Variants in CCDC30 observed in about 807,000 individuals in gnomAD.
The protein encoded by CCDC30 is coiled-coil domain containing 30, also known as coiled-coil domain-containing protein 30.
A neutral mutation model predicts 100.2 loss-of-function variants in CCDC30; 70 were observed. That is an observed-to-expected ratio of 0.70 (90% CI 0.58 to 0.85). CCDC30 has a LOEUF of 0.85. Ranked by LOEUF, CCDC30 falls within the 40% of genes least tolerant of loss-of-function variation. The pLI is 0.00. For synonymous variants in CCDC30, 233 were observed against 269.5 expected (o/e 0.86, Z 1.33); for missense variants, 652 against 771.2 (o/e 0.85, Z 1.83).
chr1:42,543,238 G>T (rs1354337963), intron 6 of CCDC30, among the ~76,000 whole-genome samples: 1 of 149,758 alleles, frequency 6.7e-6, no homozygotes, highest in Non-Finnish European at 1.5e-5. Flanking sequence ...CTCCCAAAGT[G>T]CTGGGATTAC....
intron 11 of CCDC30, 59 bp downstream of exon 15, chr1:42,611,149 A>T: frequency 2.0e-6 from 2 of 1,013,924 alleles, no homozygotes; most frequent in Non-Finnish European, 3.1e-6. Context: ...TTTCTTGCTG[A>T]GCAGGCTCTA....
At chr1:42,651,746 C>A (rs972465034) in intron 15 of CCDC30, among the ~76,000 whole-genome samples, 4 of 152,008 alleles carry the variant, frequency 2.6e-5, no homozygotes, top group African/African-American at 9.7e-5. Context: ...TGGTGGTGTG[C>A]ACCTGTGGTT....
At chr1:42,641,584 C>T (rs1647400739) in intron 12 of CCDC30, among the ~76,000 whole-genome samples, 1 of 151,306 alleles carries the variant, frequency 6.6e-6, no homozygotes, top group South Asian at 2.1e-4. Context: ...ACAAAAAAAA[C>T]AGCTGGACGC....
intron 6 of CCDC30, among the ~76,000 whole-genome samples, chr1:42,509,695 C>T (rs1480897611): frequency 6.6e-6 from 1 of 152,158 alleles, no homozygotes; most frequent in Non-Finnish European, 1.5e-5. Context: ...CTAAGGTACC[C>T]TTTCTTTTAA....
chr1:42,482,641 A>G, intron 2 of CCDC30, 22 bp from the exon 3 acceptor site: 4 of 1,222,628 alleles, frequency 3.3e-6, no homozygotes, highest in Middle Eastern at 4.2e-4. Flanking sequence ...TTGTTTTATT[A>G]CTAATAGAAG....
intron 9 of CCDC30, among the ~76,000 whole-genome samples, chr1:42,581,783 A>C (rs1406362130): frequency 2.6e-5 from 4 of 152,240 alleles, no homozygotes; most frequent in African/African-American, 9.6e-5. Context: ...TGGTAACAGT[A>C]AATATTCTTG....
intron 6 of CCDC30, chr1:42,556,255 G>A (rs766983139): frequency 1.2e-6 from 2 of 1,614,016 alleles, no homozygotes; most frequent in Non-Finnish European, 1.7e-6. Context: ...GCTCACAACA[G>A]AATCGAGATA....
At chr1:42,536,727 C>G in intron 6 of CCDC30, 126 bp downstream of exon 7, 1 of 670,898 alleles carries the variant, frequency 1.5e-6, no homozygotes, top group Non-Finnish European at 2.6e-6. Context: ...ACACCACAGA[C>G]TAGGTGGCTC....
At chr1:42,466,420 T>C (rs952101065) in intron 1 of CCDC30, among the ~76,000 whole-genome samples, 24 of 152,228 alleles carry the variant, frequency 1.6e-4, no homozygotes, top group Non-Finnish European at 3.2e-4. Flanking sequence ...ATTCTTTACA[T>C]CTAGAAGTTT....
chr1:42,606,035 G>T (rs1028891458), intron 10 of CCDC30, among the ~76,000 whole-genome samples: 1 of 152,108 alleles, frequency 6.6e-6, no homozygotes, highest in Admixed American at 6.6e-5. Flanking sequence ...TTGTGAAAGC[G>T]TATATGTAGA....
At chr1:42,631,330 A>G (rs1015169075) in intron 11 of CCDC30, among the ~76,000 whole-genome samples, 5 of 152,172 alleles carry the variant, frequency 3.3e-5, no homozygotes, top group Non-Finnish European at 7.4e-5. Flanking sequence ...TCCTAGACAA[A>G]TGGAGTCTCT....
chr1:42,638,914 AG>A (rs983270550), intron 12 of CCDC30, among the ~76,000 whole-genome samples: 16 of 152,072 alleles, frequency 1.1e-4, no homozygotes, highest in African/African-American at 3.6e-4. Flanking sequence ...AGAGAAAGAA[AG>A]GAAAAAAAAA....
chr1:42,598,899 A>G (rs1646346768), intron 10 of CCDC30, among the ~76,000 whole-genome samples: 1 of 152,172 alleles, frequency 6.6e-6, no homozygotes, highest in Admixed American at 6.5e-5. Flanking sequence ...TGTCTCAACA[A>G]CAACAACAAA....
At chr1:42,585,874 C>T (rs1301681855) in intron 9 of CCDC30, among the ~76,000 whole-genome samples, 1 of 152,020 alleles carries the variant, frequency 6.6e-6, no homozygotes, top group Non-Finnish European at 1.5e-5. Flanking sequence ...TTCATAATAT[C>T]AGTTTAAACA....
intron 6 of CCDC30, among the ~76,000 whole-genome samples, chr1:42,540,656 CACACACACACACATACACAT>C (rs1291824126): frequency 7.5e-6 from 1 of 133,404 alleles, no homozygotes; most frequent in African/African-American, 2.9e-5. Context: ...CCTCTACACA[CACACACACACACATACACAT>C]ACACACACAC....
chr1:42,535,326 C>T (rs1205901543), intron 6 of CCDC30, among the ~76,000 whole-genome samples: 1 of 151,794 alleles, frequency 6.6e-6, no homozygotes, highest in East Asian at 1.9e-4. Context: ...AGTGAGGAGC[C>T]CATATATGTC....
intron 6 of CCDC30, among the ~76,000 whole-genome samples, chr1:42,532,586 CAT>C (rs931096840): frequency 1.3e-5 from 2 of 152,184 alleles, no homozygotes; most frequent in African/African-American, 2.4e-5. Context: ...GTCTAACAAA[CAT>C]AATCTCATTT....
At chr1:42,652,852 A>C (rs1648468586) in intron 15 of CCDC30, among the ~76,000 whole-genome samples, 1 of 152,208 alleles carries the variant, frequency 6.6e-6, no homozygotes, top group Admixed American at 6.5e-5. Flanking sequence ...CAGAAAGTAT[A>C]TTAGTGATTG....
chr1:42,480,195 A>G (rs977746708), intron 1 of CCDC30, among the ~76,000 whole-genome samples: 5 of 152,196 alleles, frequency 3.3e-5, no homozygotes, highest in African/African-American at 4.8e-5. Context: ...TCTAATGTAT[A>G]TAGGTAAATT....
Sources: gnomAD v4.1 joint callset for allele counts (sites outside exome capture counted in the v4.1 genomes callset) on GRCh38, gnomAD v4.1.1 for gene constraint, MANE v1.5 for transcripts, NCBI Gene and HGNC (gene_info 2026-07-23, HGNC 2026-07-21) for gene names.